The following TEKT5 variants were observed in gnomAD, a reference collection of about 807,000 sequenced individuals.
The protein encoded by TEKT5 is tektin 5, also known as tektin-5.
In TEKT5, 52 loss-of-function variants were observed where a neutral mutation model predicts 48.7. That is an observed-to-expected ratio of 1.07 (90% CI 0.86 to 1.35). The LOEUF is 1.35. Among genes scored for constraint, TEKT5 ranks in the 40% most tolerant of loss-of-function variants. The pLI is 0.00. For missense variants in TEKT5, 831 were observed against 641.6 expected, an observed-to-expected ratio of 1.30 and a Z score of -3.19; for synonymous variants, 318 against 267.6, an observed-to-expected ratio of 1.19 and a Z score of -1.84.
chr16:10,675,875 G>C (rs1898635278), intron 5 of TEKT5, 84 bp downstream of exon 5: 1 of 1,396,296 alleles, frequency 7.2e-7, no homozygotes, highest in East Asian at 2.3e-5. Context: ...GGCAGGGCCA[G>C]CTTGGCCCAG....
chr16:10,640,061 C>G (rs1330669824), intron 5 of TEKT5, among the ~76,000 whole-genome samples: 1 of 107,486 alleles, frequency 9.3e-6, no homozygotes, highest in South Asian at 3.3e-4. Flanking sequence ...CCTCCTCCTC[C>G]TTTTTCTTTC....
chr16:10,676,474 A>C (rs1898648959), intron 4 of TEKT5, among the ~76,000 whole-genome samples: 1 of 152,032 alleles, frequency 6.6e-6, no homozygotes, highest in South Asian at 2.1e-4. Flanking sequence ...CAATACCCTC[A>C]TTTTACAGGG....
chr16:10,644,452 T>C (rs148813110), intron 5 of TEKT5, among the ~76,000 whole-genome samples: 75 of 152,308 alleles, frequency 4.9e-4, no homozygotes, highest in Non-Finnish European at 8.7e-4. Flanking sequence ...CCTACACACT[T>C]ACTGCATCCA....
intron 5 of TEKT5, among the ~76,000 whole-genome samples, chr16:10,671,028 G>T (rs1167989535): frequency 6.6e-6 from 1 of 152,012 alleles, no homozygotes; most frequent in Non-Finnish European, 1.5e-5. Flanking sequence ...AGAGGAATTT[G>T]GAAAGCGAAA....
intron 6 of TEKT5, among the ~76,000 whole-genome samples, chr16:10,630,815 T>A (rs923216971): frequency 6.6e-6 from 1 of 151,928 alleles, no homozygotes; most frequent in Non-Finnish European, 1.5e-5. Context: ...GGTCAGGGGT[T>A]CGAGACCAGC....
At chr16:10,659,055 G>T (rs1204158042) in intron 5 of TEKT5, among the ~76,000 whole-genome samples, 2 of 152,168 alleles carry the variant, frequency 1.3e-5, no homozygotes, top group African/African-American at 4.8e-5. Flanking sequence ...TCTGTCCTGT[G>T]CATTGAAGGA....
chr16:10,686,810 A>T (rs1898868734), intron 3 of TEKT5, among the ~76,000 whole-genome samples: 1 of 152,254 alleles, frequency 6.6e-6, no homozygotes, highest in Non-Finnish European at 1.5e-5. Context: ...ACAATTTACG[A>T]TAGCCAAGAT....
At chr16:10,677,880 A>G (rs2719713) in intron 4 of TEKT5, among the ~76,000 whole-genome samples, 76,172 of 151,758 alleles carry the variant, frequency 0.5, 20,804 homozygotes, top group East Asian at 0.82. Flanking sequence ...ATAGTCGGCC[A>G]TGCAGGACTC....
chr16:10,641,022 G>C (rs560806130), intron 5 of TEKT5, among the ~76,000 whole-genome samples: 2 of 152,222 alleles, frequency 1.3e-5, no homozygotes, highest in South Asian at 4.1e-4. Context: ...CATAGAATAG[G>C]TCAATGTTTC....
At chr16:10,629,326 C>G (rs149729099) in intron 6 of TEKT5, among the ~76,000 whole-genome samples, 243 of 151,948 alleles carry the variant, frequency 1.6e-3, no homozygotes, top group South Asian at 4.2e-3. Context: ...TCTCGGCTCA[C>G]GGCAACCTCT....
intron 5 of TEKT5, among the ~76,000 whole-genome samples, chr16:10,643,876 T>C (rs1274963236): frequency 1.3e-5 from 2 of 151,924 alleles, no homozygotes; most frequent in Admixed American, 6.6e-5. Context: ...CCGTCTCTAC[T>C]AAAAATAGAA....
At position 10,637,061 on chromosome 16, in the gene TEKT5, A is replaced by G. The variant is rs1393036542; in HGVS notation, c.1087-1143T>C. Among the ~76,000 whole-genome samples, 3 of 150,038 alleles carry G rather than the reference A, an allele frequency of 2.0e-5. No individual in the cohort carries two copies. The Admixed American group carries it at 2.0e-4, about 10-fold the overall frequency. The stretch of plus-strand genomic sequence containing the variant: ...CAGTGGTGCGATTTCGGCTCACTGC[A>G]AACTCCGCCTCCGGGGTTCACGCCA... On this transcript the variant is annotated intron_variant, in intron 5 of 6. Transcript: ENST00000283025.
At position 10,677,652 on chromosome 16, in the gene TEKT5, T is replaced by C. The variant is rs539389786; in HGVS notation, c.864-1471A>G. 4.6e-5 allele frequency among the ~76,000 whole-genome samples: 5 copies of C among 108,610 alleles called. 1 individual carries two copies. Among genetic ancestry groups the C allele is most frequent in the African/African-American group, 2.8e-4 (5 of 17,808 alleles). The allele number at this position is 108,610 out of a possible 152,430, so 71.3% of individuals were successfully genotyped here. Reference sequence around the variant, plus strand: ...AAGAAAATGCATGAAGCTGTCACTATCCCAGCTGTAAAGGGCAAGAGAAAA... The same window carrying C: ...AAGAAAATGCATGAAGCTGTCACTACCCCAGCTGTAAAGGGCAAGAGAAAA... On this transcript the variant is annotated intron_variant, in intron 4 of 6. Coordinates refer to ENST00000283025, the MANE Select transcript of TEKT5 (RefSeq NM_144674.2).
At chr16:10,678,921 A>C (rs1458118403) in intron 4 of TEKT5, among the ~76,000 whole-genome samples, 1 of 152,154 alleles carries the variant, frequency 6.6e-6, no homozygotes, top group East Asian at 1.9e-4. Flanking sequence ...TTGTTCTCTA[A>C]AGATGGAGAG....
At chr16:10,669,937 A>T (rs1898524772) in intron 5 of TEKT5, among the ~76,000 whole-genome samples, 1 of 152,184 alleles carries the variant, frequency 6.6e-6, no homozygotes, top group South Asian at 2.1e-4. Flanking sequence ...ACACAGTGAT[A>T]CCTGGAGCCT....
chr16:10,675,872 C>T, intron 5 of TEKT5, 87 bp downstream of exon 5: 1 of 1,379,452 alleles, frequency 7.2e-7, no homozygotes. Context: ...AGGGGCAGGG[C>T]CAGCTTGGCC....
intron 5 of TEKT5, among the ~76,000 whole-genome samples, chr16:10,646,984 C>T (rs1357503402): frequency 6.6e-6 from 1 of 152,150 alleles, no homozygotes; most frequent in Non-Finnish European, 1.5e-5. Context: ...GATGTACAAC[C>T]CTTAGAATGC....
intron 5 of TEKT5, among the ~76,000 whole-genome samples, chr16:10,646,785 A>G (rs1194264899): frequency 6.6e-6 from 1 of 152,222 alleles, no homozygotes; most frequent in Non-Finnish European, 1.5e-5. Context: ...CCTAGGAAGG[A>G]GGCCAGCCCT....
intron 5 of TEKT5, among the ~76,000 whole-genome samples, chr16:10,650,150 C>G (rs4297676): frequency 0.082 from 12,505 of 152,126 alleles, 581 homozygotes; most frequent in African/African-American, 0.1. Context: ...CGGCTCACTG[C>G]AACCTCCGCT....
Sources: allele counts gnomAD v4.1 joint callset (sites outside exome capture counted in the v4.1 genomes callset), GRCh38; gene constraint gnomAD v4.1.1; transcripts MANE v1.5; gene names NCBI Gene and HGNC (gene_info 2026-07-23, HGNC 2026-07-21).